ROS1: variants seen among roughly 807,000 people sequenced by gnomAD.
ROS1 encodes ROS proto-oncogene 1, receptor tyrosine kinase.
In ROS1, 263 loss-of-function variants were observed where a neutral mutation model predicts 273.5. The ratio of observed to expected loss-of-function variants is 0.96; its 90% CI spans 0.87 to 1.06. The LOEUF is 1.06. Ranked by LOEUF, ROS1 falls within the 50% of genes least tolerant of loss-of-function variation. ROS1 has a pLI of 0.00. For missense variants in ROS1, 2,833 were observed against 2,751.1 expected, an observed-to-expected ratio of 1.03 and a Z score of -0.67; for synonymous variants, 1,008 against 954.1, an observed-to-expected ratio of 1.06 and a Z score of -1.04.
intron 27 of ROS1, among the ~76,000 whole-genome samples, chr6:117,351,165 A>T (rs1180636352): frequency 1.3e-5 from 2 of 152,072 alleles, no homozygotes; most frequent in African/African-American, 2.4e-5. Context: ...CTTAGATTAG[A>T]TCTCAGTTAA....
chr6:117,403,428 A>C, intron 6 of ROS1, 151 bp from the exon 7 acceptor site: 1 of 769,636 alleles, frequency 1.3e-6, no homozygotes, highest in African/African-American at 1.9e-5. Flanking sequence ...TTCAGATATC[A>C]GCGTGCAGAA....
intron 12 of ROS1, among the ~76,000 whole-genome samples, chr6:117,391,748 G>A (rs1341041454): frequency 6.6e-6 from 1 of 152,128 alleles, no homozygotes; most frequent in African/African-American, 2.4e-5. Flanking sequence ...TTGTTCCAGG[G>A]CCTGTCTGGT....
chr6:117,384,304 T>C lies in ROS1; in HGVS notation c.2290-796A>G, dbSNP rs532310405. ...GCTTCTTTATTTTATATATGTATTT[T>C]ATCTCCTCAGAAGAGCAGGGACAAC... On this transcript the variant is annotated intron_variant, in intron 16 of 43. Coordinates refer to ENST00000368507, the MANE Select transcript of ROS1 (RefSeq NM_001378902.1). Among the ~76,000 whole-genome samples, 3 of 152,278 alleles carry C rather than the reference T, an allele frequency of 2.0e-5. No individual in the cohort carries two copies. In the South Asian group the frequency reaches 6.2e-4, roughly 32 times the overall value.
rs565858261 is a variant in ROS1, at chr6:117,327,300, G to A, written c.5349-886C>T. Among the ~76,000 whole-genome samples, 6 of 152,286 alleles carry A rather than the reference G, an allele frequency of 3.9e-5. No homozygotes were observed. In the South Asian group the frequency reaches 8.3e-4, roughly 21 times the overall value. ...GCAGAGTTGGTCACAGCTGTTCCCC[G>A]GAGCTGAGGGTCCCTTTAAGGACCA... On this transcript the variant is annotated intron_variant, in intron 33 of 43. Coordinates refer to ENST00000368507, the MANE Select transcript of ROS1 (RefSeq NM_001378902.1).
chr6:117,396,941 G>T lies in ROS1; in HGVS notation c.780C>A (p.Tyr260Ter). 1 of 1,613,876 alleles carries T rather than the reference G, an allele frequency of 6.2e-7. No homozygotes were observed. Among genetic ancestry groups the T allele is most frequent in the Non-Finnish European group, 8.5e-7 (1 of 1,179,760 alleles). Residue 260 changes from tyrosine to a stop codon, truncating the protein, a stop_gained, in exon 8 of 44, where the codon TAC (tyrosine) becomes TAA (stop). Coordinates refer to ENST00000368507, the MANE Select transcript of ROS1 (RefSeq NM_001378902.1). LOFTEE classifies it high-confidence loss of function. ...AGTQRTSFQF[Y>*]STLPNTIYRF... ...TGTAGATAGTATTTGGTAAAGTGGA[G>T]TAAAACTGGAAACTGGTTCTCTGTG...
Position 117,403,270 on chromosome 6 carries a change from G to C in ROS1, c.473C>G (p.Ser158Cys). The stretch of plus-strand genomic sequence containing the variant: ...GGGCTTGACCACATAGGACGGTCTG[G>C]ACACAGTCTAGATCAAGGAGTGATC... Reference protein sequence around the residue: ...LGSWTYTKTVSRPSYVVKPLH... With the variant: ...LGSWTYTKTVCRPSYVVKPLH... The change falls in exon 7 of 44, where the codon TCC becomes TGC. Residue 158 changes from serine to cysteine, a missense_variant. By Grantham distance (112) the Ser-to-Cys change is moderately radical. Transcript: ENST00000368507. The C allele has an allele frequency of 6.2e-7, 1 of 1,611,834 alleles. No individual in the cohort carries two copies. Among genetic ancestry groups the C allele is most frequent in the Non-Finnish European group, 8.5e-7 (1 of 1,179,514 alleles).
intron 21 of ROS1, among the ~76,000 whole-genome samples, 163 bp from the exon 22 acceptor site, chr6:117,363,028 T>C (rs1361495615): frequency 6.6e-6 from 1 of 152,194 alleles, no homozygotes; most frequent in African/African-American, 2.4e-5. Flanking sequence ...GGAGAGAATA[T>C]TCCATAGATT....
intron 1 of ROS1, among the ~76,000 whole-genome samples, chr6:117,424,334 G>A (rs1327764426): frequency 6.6e-6 from 1 of 151,264 alleles, no homozygotes; most frequent in Non-Finnish European, 1.5e-5. Context: ...ATATATATGA[G>A]GAAAAATACT....
At position 117,288,738 on chromosome 6, in the gene ROS1, C is replaced by A. The variant is rs367838842; in HGVS notation, c.6780G>T (p.Thr2260=). ...DDIMPVALME[T]KNREGLNYMV... is the part of the protein sequence containing the mutation. ...TATAGTTTAACCCTTCTCGGTTCTT[C>A]GTTTCCATTAAAGCAACTGGCATAA... The change falls in exon 44 of 44, where the codon ACG becomes ACT. Residue 2260 remains threonine, a synonymous_variant. Coordinates refer to ENST00000368507, the MANE Select transcript of ROS1 (RefSeq NM_001378902.1). 3 of 1,613,914 alleles carry A rather than the reference C, an allele frequency of 1.9e-6. No individual in the cohort carries two copies. In the South Asian group the frequency reaches 3.3e-5, roughly 18 times the overall value.
chr6:117,420,335 T>C (rs1775656311), intron 1 of ROS1, among the ~76,000 whole-genome samples: 1 of 149,714 alleles, frequency 6.7e-6, no homozygotes, highest in South Asian at 2.1e-4. Context: ...CAAACTTTCT[T>C]AACCTAATAC....
In ROS1 at chr6:117,341,460, T is replaced by C; in HGVS notation, c.4824A>G (p.Pro1608=). Residue 1608 remains proline, a synonymous_variant, in exon 30 of 44, where the codon CCA becomes CCG. Transcript: ENST00000368507. ...PETPLRQSEF[P]NGRLTLLVTR... ...TAACAAGGAGAGTGAGCCTTCCATT[T>C]GGAAATTCACTTTGTCTTAGAGGAG... is the stretch of plus-strand genomic sequence containing the variant. 1 of 1,613,938 alleles carries C rather than the reference T, an allele frequency of 6.2e-7. No homozygotes were observed. Among genetic ancestry groups the C allele is most frequent in the South Asian group, 1.1e-5 (1 of 91,084 alleles).
chr6:117,356,890 T>G lies in ROS1; in HGVS notation c.3865A>C (p.Asn1289His). The G allele has an allele frequency of 1.2e-6, 2 of 1,614,046 alleles. No homozygotes were observed. The highest frequency in any genetic ancestry group is 2.7e-5 in the African/African-American group (2 of 75,032). Residue 1289 changes from asparagine (N) to histidine (H), a missense_variant, in exon 26 of 44, where the codon AAT becomes CAT. Physicochemically the swap from Asn to His is moderately conservative, Grantham distance 68. Transcript: ENST00000368507. ...TAGTAGAACATCTGGTAGCCAAAAT[T>G]GGAAACTTCTGTCCAATACAAGCGA... The part of the protein sequence containing the change: ...LSRLYWTEVS[N>H]FGYQMFYYSI...
chr6:117,292,347 A>G (rs763830928), intron 43 of ROS1, among the ~76,000 whole-genome samples: 2 of 152,148 alleles, frequency 1.3e-5, no homozygotes, highest in African/African-American at 2.4e-5. Context: ...TTTAGAATAC[A>G]AGTCAACTGC....
Position 117,387,753 on chromosome 6 carries a change from C to T in ROS1, c.1999+27G>A, listed in dbSNP as rs375240389. The T allele has an allele frequency of 1.9e-6, 3 of 1,594,424 alleles. No individual in the cohort carries two copies. The African/African-American group carries it at 4.1e-5, about 22-fold the overall frequency. On this transcript the variant is annotated intron_variant, in intron 14 of 43. Transcript: ENST00000368507. ...GCTAGTCCTCTTTTTGTGAGAGTCA[C>T]TCCCTAAATCCAGAACATTTTCTCA...
chr6:117,376,371 C>T (rs1781328676), intron 18 of ROS1, among the ~76,000 whole-genome samples: 1 of 151,938 alleles, frequency 6.6e-6, no homozygotes, highest in Non-Finnish European at 1.5e-5. Context: ...AATAATTTTC[C>T]ACAAAGAAAA....
At chr6:117,412,577 T>C (rs1415787503) in intron 4 of ROS1, among the ~76,000 whole-genome samples, 1 of 145,098 alleles carries the variant, frequency 6.9e-6, no homozygotes. Context: ...AGGTGATAGA[T>C]AGATAGATAG....
rs77803224 is a variant in ROS1, at chr6:117,329,638, T to C, written c.5231-192A>G. On this transcript the variant is annotated intron_variant, in intron 32 of 43. Coordinates refer to ENST00000368507, the MANE Select transcript of ROS1 (RefSeq NM_001378902.1). ...AAAAAAACCATAATAAGTGTGTGAG[T>C]CCTTCACCGGCAAGGTATCTAGATT... Among the ~76,000 whole-genome samples the C allele has an allele frequency of 2.8e-3, 418 of 151,606 alleles. 2 individuals are homozygous for C. Among genetic ancestry groups the C allele is most frequent in the African/African-American group, 9.6e-3 (397 of 41,340 alleles).
chr6:117,360,341 C>T lies in ROS1; in HGVS notation c.3430+1G>A, dbSNP rs1415195324. 3 of 1,608,800 alleles carry T rather than the reference C, an allele frequency of 1.9e-6. No homozygotes were observed. Among genetic ancestry groups the T allele is most frequent in the African/African-American group, 1.3e-5 (1 of 74,292 alleles). On this transcript the variant is annotated splice_donor_variant, in intron 23 of 43. Transcript: ENST00000368507. LOFTEE classifies it high-confidence loss of function. ...TTGCACAGATTTTAGAAAACAAATA[C>T]CTGATGTTGTAGACTTTACAACGTC...
chr6:117,337,197 T>C lies in ROS1; in HGVS notation c.5205A>G (p.Ser1735=). The change falls in exon 32 of 44, where the codon TCA becomes TCG. Residue 1735 remains serine, a synonymous_variant. Coordinates refer to ENST00000368507, the MANE Select transcript of ROS1 (RefSeq NM_001378902.1). The part of the protein sequence containing the change: ...VVYKTGENST[S]LPESFKTKAG... ...CTTTTGTCTTAAAGCTTTCTGGAAG[T>C]GAGGTGCTATTTTCTCCCGTCTTAT... 6.2e-7 allele frequency: 1 copy of C among 1,612,380 alleles called. No homozygotes were observed. Among genetic ancestry groups the C allele is most frequent in the Admixed American group, 1.7e-5 (1 of 59,868 alleles).
Sources: gnomAD v4.1 joint callset for allele counts (sites outside exome capture counted in the v4.1 genomes callset) on GRCh38, gnomAD v4.1.1 for gene constraint, MANE v1.5 for transcripts, NCBI Gene and HGNC (gene_info 2026-07-23, HGNC 2026-07-21) for gene names.